The following NUCB2 variants were observed in gnomAD, a reference collection of about 807,000 sequenced individuals.
The protein encoded by NUCB2 is nucleobindin 2, also known as nucleobindin-2.
NUCB2 carries 48 observed loss-of-function variants against 57.9 expected under a neutral mutation model. That is an observed-to-expected ratio of 0.83 (90% CI 0.66 to 1.05). NUCB2 has a LOEUF of 1.05. Among genes scored for constraint, NUCB2 ranks in the 50% least tolerant of loss-of-function variants. The probability of loss-of-function intolerance (pLI) is 0.00; values close to 1 mark genes in which losing one functional copy is unlikely to be tolerated. For missense variants in NUCB2, 442 were observed against 476.2 expected, an observed-to-expected ratio of 0.93 and a Z score of 0.67; for synonymous variants, 139 against 152.1, an observed-to-expected ratio of 0.91 and a Z score of 0.64.
At chr11:17,288,326 A>G (rs945254241) in intron 2 of NUCB2, among the ~76,000 whole-genome samples, 2 of 151,976 alleles carry the variant, frequency 1.3e-5, no homozygotes, top group African/African-American at 2.4e-5. Context: ...GGTGTGTCTT[A>G]ATATCGATGG....
chr11:17,308,959 A>T (rs542551571), intron 5 of NUCB2, among the ~76,000 whole-genome samples: 14 of 152,300 alleles, frequency 9.2e-5, no homozygotes, highest in Non-Finnish European at 1.8e-4. Flanking sequence ...TAGTTTTAAG[A>T]TAATTAAAAA....
At chr11:17,288,601 T>G (rs1228016251) in intron 2 of NUCB2, among the ~76,000 whole-genome samples, 1 of 136,592 alleles carries the variant, frequency 7.3e-6, no homozygotes, top group Admixed American at 8.4e-5. Context: ...CAGACTGGAG[T>G]GCAGTGGCAC....
chr11:17,288,935 A>G (rs1189553795), intron 2 of NUCB2, among the ~76,000 whole-genome samples: 1 of 93,956 alleles, frequency 1.1e-5, no homozygotes, highest in Non-Finnish European at 1.9e-5. Flanking sequence ...ACACACACAC[A>G]CACACACACA....
At chr11:17,342,741 T>C (rs1242833901) in intron 2 of NUCB2, among the ~76,000 whole-genome samples, 1 of 149,704 alleles carries the variant, frequency 6.7e-6, no homozygotes, top group Non-Finnish European at 1.5e-5. Flanking sequence ...AAGTATGTGG[T>C]CAATTTTGGA....
intron 2 of NUCB2, among the ~76,000 whole-genome samples, chr11:17,294,241 A>AT (rs1382182558): frequency 3.9e-5 from 6 of 152,080 alleles, no homozygotes; most frequent in Admixed American, 6.6e-5. Context: ...AGGTTTTAGT[A>AT]TACATAGGAA....
intron 5 of NUCB2, among the ~76,000 whole-genome samples, chr11:17,307,674 T>C (rs1947894356): frequency 6.6e-6 from 1 of 152,196 alleles, no homozygotes; most frequent in Non-Finnish European, 1.5e-5. Flanking sequence ...TACTATAATT[T>C]ATTTAGCCAG....
chr11:17,338,868 TGG>T (rs1952012975), intron 2 of NUCB2, among the ~76,000 whole-genome samples: 1 of 152,204 alleles, frequency 6.6e-6, no homozygotes. Context: ...TTCACCATGG[TGG>T]CCAGGCTGGT....
chr11:17,317,239 T>C (rs937186739), intron 11 of NUCB2, among the ~76,000 whole-genome samples: 1 of 152,174 alleles, frequency 6.6e-6, no homozygotes, highest in Non-Finnish European at 1.5e-5. Context: ...ATTTTTAATC[T>C]CTATGTGTGT....
chr11:17,278,086 A>G (rs1459402683), intron 1 of NUCB2, among the ~76,000 whole-genome samples: 1 of 151,686 alleles, frequency 6.6e-6, no homozygotes, highest in Non-Finnish European at 1.5e-5. Context: ...TTAACTAGAC[A>G]ATTTTAGAAA....
At chr11:17,301,338 G>A (rs1206186536) in intron 4 of NUCB2, among the ~76,000 whole-genome samples, 1 of 143,346 alleles carries the variant, frequency 7.0e-6, no homozygotes, top group Non-Finnish European at 1.5e-5. Flanking sequence ...GAGTGCAGTG[G>A]TGCAATCTTG....
At chr11:17,341,157 A>G (rs1236726223) in intron 2 of NUCB2, among the ~76,000 whole-genome samples, 5 of 152,218 alleles carry the variant, frequency 3.3e-5, no homozygotes, top group Non-Finnish European at 2.9e-5. Flanking sequence ...ATTTTTGCAC[A>G]TTGATTTTGT....
At chr11:17,283,364 T>C (rs1165880867) in intron 2 of NUCB2, 2 of 152,226 alleles carry the variant, frequency 1.3e-5, no homozygotes, top group Non-Finnish European at 2.9e-5. Context: ...CTGCCCTCTA[T>C]AAAATTGGGC....
chr11:17,299,902 C>CATAAAATAAA (rs61374902), intron 4 of NUCB2, among the ~76,000 whole-genome samples: 93 of 150,744 alleles, frequency 6.2e-4, no homozygotes, highest in African/African-American at 1.2e-3. Flanking sequence ...GACCCTGTGT[C>CATAAAATAAA]ATAAAATAAA....
Position 17,282,268 on chromosome 11 carries a change from T to C in NUCB2, c.-155-521T>C, listed in dbSNP as rs1942865337. Among the ~76,000 whole-genome samples the C allele has an allele frequency of 2.6e-5, 3 of 114,614 alleles. No individual in the cohort carries two copies. The Admixed American group carries it at 3.2e-4, about 12-fold the overall frequency. 75.2% of individuals were successfully genotyped at this position (114,614 alleles called of 152,430 possible). ...TATATATATATATATATTTTTTTTT[T>C]TTTTTCCCAAGACAGAGTCTCGCTC... On this transcript the variant is annotated intron_variant, in intron 1 of 13. Coordinates refer to ENST00000529010, the MANE Select transcript of NUCB2 (RefSeq NM_005013.4).
rs1478245391 is a variant in NUCB2 at position 17,330,069 on chromosome 11, A to C, written c.1003-58A>C. ...TGCTAACCATAGAATTTTAAAGCTA[A>C]ATCAGACTTTATTGTTGTAGTTTTG... is the stretch of plus-strand genomic sequence containing the variant. On this transcript the variant is annotated intron_variant, in intron 11 of 13. Transcript: ENST00000529010. The surrounding 1 kb of genome is among the most constrained non-coding windows in gnomAD (Gnocchi z 4.3). The C allele has an allele frequency of 3.1e-6, 3 of 978,098 alleles. No homozygotes were observed. In the African/African-American group the frequency reaches 4.8e-5, roughly 16 times the overall value. 60.6% of individuals were successfully genotyped at this position (978,098 alleles called of 1,614,324 possible).
chr11:17,315,363 T>C, intron 10 of NUCB2, 23 bp from the exon 11 acceptor site: 1 of 1,325,096 alleles, frequency 7.5e-7, no homozygotes, highest in Non-Finnish European at 1.1e-6. Context: ...CTTTATATTA[T>C]GTATACATTT....
intron 2 of NUCB2, among the ~76,000 whole-genome samples, chr11:17,286,475 C>G (rs903673046): frequency 9.9e-5 from 15 of 152,228 alleles, no homozygotes; most frequent in African/African-American, 3.1e-4. Flanking sequence ...TTACCAGAGG[C>G]TCTGATGCCT....
intron 4 of NUCB2, among the ~76,000 whole-genome samples, chr11:17,300,696 G>GT (rs1439912138): frequency 1.3e-5 from 2 of 152,110 alleles, no homozygotes; most frequent in Non-Finnish European, 2.9e-5. Context: ...TAGGTTTCTG[G>GT]TTTTTTGGCG....
At chr11:17,338,406 C>T (rs1951979946) in intron 2 of NUCB2, among the ~76,000 whole-genome samples, 2 of 152,136 alleles carry the variant, frequency 1.3e-5, no homozygotes, top group South Asian at 4.1e-4. Context: ...TTCTCTGCTC[C>T]ACCCTCTGGT....
Sources: allele counts gnomAD v4.1 joint callset (sites outside exome capture counted in the v4.1 genomes callset), GRCh38; gene constraint gnomAD v4.1.1; non-coding constraint Gnocchi (gnomAD v3.1); transcripts MANE v1.5; gene names NCBI Gene and HGNC (gene_info 2026-07-23, HGNC 2026-07-21).